EYS: variants seen among roughly 807,000 people sequenced by gnomAD.
EYS encodes the protein protein eyes shut homolog.
In EYS, 250 loss-of-function variants were observed where a neutral mutation model predicts 282.1. The ratio of observed to expected loss-of-function variants is 0.89; its 90% confidence interval spans 0.80 to 0.98. EYS has a LOEUF of 0.98. Among genes scored for constraint, EYS ranks in the 50% least tolerant of loss-of-function variants. EYS has a pLI of 0.00. For missense variants in EYS, 4,016 were observed against 3,709.0 expected, an observed-to-expected ratio of 1.08 and a Z score of -2.15; for synonymous variants, 1,355 against 1,282.9, an observed-to-expected ratio of 1.06 and a Z score of -1.20.
intron 30 of EYS, among the ~76,000 whole-genome samples, chr6:64,248,625 CTGTT>C (rs2150347249): frequency 6.6e-6 from 1 of 152,246 alleles, no homozygotes; most frequent in East Asian, 1.9e-4. Flanking sequence ...CTTTTATACA[CTGTT>C]GGTAGGAAGG....
intron 22 of EYS, among the ~76,000 whole-genome samples, chr6:64,738,284 ATAGT>A (rs1449682984): frequency 1.3e-5 from 2 of 152,134 alleles, no homozygotes; most frequent in Admixed American, 6.5e-5. Flanking sequence ...TCTCACTCTA[ATAGT>A]TAGCGTGTGT....
intron 21 of EYS, among the ~76,000 whole-genome samples, chr6:64,819,307 A>AATTACATAT (rs1177670238): frequency 6.6e-6 from 1 of 152,178 alleles, no homozygotes; most frequent in Non-Finnish European, 1.5e-5. Flanking sequence ...GAATGAGCAA[A>AATTACATAT]ATTACATATA....
chr6:64,893,021 C>G (rs1311179226), intron 18 of EYS, among the ~76,000 whole-genome samples: 1 of 151,934 alleles, frequency 6.6e-6, no homozygotes, highest in Non-Finnish European at 1.5e-5. Flanking sequence ...TCTATTTTTT[C>G]TTTAAATGCA....
At chr6:63,983,387 CT>C (rs550395209) in intron 35 of EYS, among the ~76,000 whole-genome samples, 33 of 151,700 alleles carry the variant, frequency 2.2e-4, no homozygotes, top group Middle Eastern at 6.8e-3. Flanking sequence ...ATCACATTGA[CT>C]TTATCATATC....
At chr6:65,207,546 C>A (rs1475382262) in intron 12 of EYS, among the ~76,000 whole-genome samples, 1 of 151,634 alleles carries the variant, frequency 6.6e-6, no homozygotes. Flanking sequence ...TCATATGAAA[C>A]CACACAAGAG....
chr6:64,693,207 G>C (rs575076073), intron 22 of EYS, among the ~76,000 whole-genome samples: 1 of 151,630 alleles, frequency 6.6e-6, no homozygotes, highest in Non-Finnish European at 1.5e-5. Context: ...TTCGTTAATT[G>C]AAAGACTTAA....
At chr6:64,020,617 G>C (rs1732014221) in intron 33 of EYS, among the ~76,000 whole-genome samples, 1 of 152,084 alleles carries the variant, frequency 6.6e-6, no homozygotes, top group African/African-American at 2.4e-5. Flanking sequence ...TGATATTTTA[G>C]ACTCTAAAAC....
At chr6:65,604,888 G>T (rs534279007) in intron 2 of EYS, among the ~76,000 whole-genome samples, 2 of 144,004 alleles carry the variant, frequency 1.4e-5, no homozygotes, top group African/African-American at 5.2e-5. Flanking sequence ...CTGTCACATA[G>T]GCTGGAGTGC....
At chr6:64,021,896 A>G (rs1423224205) in intron 33 of EYS, among the ~76,000 whole-genome samples, 2 of 152,182 alleles carry the variant, frequency 1.3e-5, no homozygotes, top group Non-Finnish European at 2.9e-5. Flanking sequence ...TTTTGTTACA[A>G]TTCATTTTGG....
At chr6:65,532,504 C>T (rs539196470) in intron 2 of EYS, among the ~76,000 whole-genome samples, 7 of 152,212 alleles carry the variant, frequency 4.6e-5, no homozygotes, top group Admixed American at 2.0e-4. Context: ...CAGCTACAGT[C>T]CCTGATGCAT....
chr6:64,926,835 G>T (rs1268776141), intron 15 of EYS, among the ~76,000 whole-genome samples: 3 of 152,150 alleles, frequency 2.0e-5, no homozygotes, highest in South Asian at 2.1e-4. Context: ...ACCCTAAAAT[G>T]TAGGTATTTG....
At chr6:64,302,468 GGA>G (rs1438667189) in intron 30 of EYS, among the ~76,000 whole-genome samples, 1 of 152,136 alleles carries the variant, frequency 6.6e-6, no homozygotes, top group African/African-American at 2.4e-5. Flanking sequence ...TGCTCTTCCT[GGA>G]GAGTCCACCT....
intron 35 of EYS, among the ~76,000 whole-genome samples, chr6:63,934,469 A>G (rs960939766): frequency 1.3e-4 from 20 of 152,112 alleles, no homozygotes; most frequent in Admixed American, 9.2e-4. Context: ...TTGCGGCACT[A>G]TTCACAATAG....
At chr6:64,003,663 A>G (rs1768202195) in intron 33 of EYS, among the ~76,000 whole-genome samples, 1 of 152,140 alleles carries the variant, frequency 6.6e-6, no homozygotes, top group African/African-American at 2.4e-5. Flanking sequence ...GCTTTTTGGT[A>G]TTCTCTGAAT....
chr6:65,652,500 T>C (rs570814400), intron 1 of EYS, among the ~76,000 whole-genome samples: 56 of 152,104 alleles, frequency 3.7e-4, no homozygotes, highest in Non-Finnish European at 7.1e-4. Context: ...TTTCATATTT[T>C]GAAATTTTTT....
chr6:63,768,166 T>C (rs1422548721), intron 40 of EYS, among the ~76,000 whole-genome samples: 1 of 151,924 alleles, frequency 6.6e-6, no homozygotes, highest in Non-Finnish European at 1.5e-5. Flanking sequence ...TCAGGCTTGG[T>C]AAAGAATTTA....
intron 5 of EYS, among the ~76,000 whole-genome samples, chr6:65,411,400 A>G (rs942209555): frequency 1.3e-5 from 2 of 152,092 alleles, no homozygotes; most frequent in Non-Finnish European, 2.9e-5. Flanking sequence ...ATAGTAATAG[A>G]TTCATAGAAA....
chr6:65,605,449 C>T (rs1353598701), intron 2 of EYS, among the ~76,000 whole-genome samples: 3 of 151,838 alleles, frequency 2.0e-5, no homozygotes, highest in African/African-American at 7.3e-5. Context: ...ACAATGTCCA[C>T]GTGCATATAA....
intron 35 of EYS, among the ~76,000 whole-genome samples, chr6:63,935,013 A>C (rs559746605): frequency 1.3e-5 from 2 of 152,264 alleles, no homozygotes; most frequent in East Asian, 3.9e-4. Context: ...AAATATGTAC[A>C]TTTCCCCATT....
Sources: gnomAD v4.1 joint callset for allele counts (sites outside exome capture counted in the v4.1 genomes callset) on GRCh38, gnomAD v4.1.1 for gene constraint, MANE v1.5 for transcripts, NCBI Gene and HGNC (gene_info 2026-07-23, HGNC 2026-07-21) for gene names.